GTF3C4: variants seen among roughly 807,000 people sequenced by gnomAD.
GTF3C4 encodes the protein general transcription factor IIIC subunit 4, also known as general transcription factor 3C polypeptide 4.
In GTF3C4, 28 loss-of-function variants were observed where a neutral mutation model predicts 67.5. The observed-to-expected ratio is 0.41, with a 90% CI of 0.31 to 0.57. The LOEUF is 0.57. Among genes scored for constraint, GTF3C4 ranks in the 20% least tolerant of loss-of-function variants. The pLI is 0.21. For synonymous variants in GTF3C4, 409 were observed against 393.0 expected (o/e 1.04, Z -0.48); for missense variants, 831 against 1,033.2 (o/e 0.80, Z 2.68).
rs561416822 is a variant in GTF3C4, at chr9:132,690,651, G to C, written c.*1706G>C. On this transcript the variant is annotated 3_prime_UTR_variant, in exon 5 of 5. Transcript: ENST00000372146. ...CTATTCTGCTTATTTTTCTCATTTG[G>C]TGGTAATTTCAAGAAGAGCGTTTAT... 6.6e-6 allele frequency: 1 copy of C among 152,156 alleles called. No homozygotes were observed. Among genetic ancestry groups the C allele is most frequent in the South Asian group, 2.1e-4 (1 of 4,810 alleles). 9.4% of individuals were successfully genotyped at this position (152,156 alleles called of 1,614,324 possible).
intron 3 of GTF3C4, among the ~76,000 whole-genome samples, chr9:132,684,157 T>C (rs995844066): frequency 1.3e-5 from 2 of 152,174 alleles, no homozygotes; most frequent in East Asian, 3.8e-4. Context: ...CAGCTGTCTG[T>C]CTTTCTGCCT....
intron 3 of GTF3C4, 146 bp downstream of exon 3, chr9:132,683,839 A>T (rs1835984448): frequency 1.3e-6 from 1 of 778,002 alleles, no homozygotes; most frequent in African/African-American, 1.8e-5. Flanking sequence ...ATAAAGCCTG[A>T]TGTGGACTTT....
chr9:132,687,489 T>C (rs1162273021), intron 4 of GTF3C4, among the ~76,000 whole-genome samples, 162 bp downstream of exon 4: 1 of 152,142 alleles, frequency 6.6e-6, no homozygotes, highest in Non-Finnish European at 1.5e-5. Context: ...ACGGTGTTAC[T>C]GTGAAGCCAC....
rs1437220265 is a variant in GTF3C4, at chr9:132,692,783, T to C, written c.*3838T>C. The C allele has an allele frequency of 6.6e-6, 1 of 152,212 alleles. No homozygotes were observed. Among genetic ancestry groups the C allele is most frequent in the Non-Finnish European group, 1.5e-5 (1 of 68,038 alleles). The allele number at this position is 152,212 out of a possible 1,614,324, so 9.4% of individuals were successfully genotyped here. Reference sequence around the variant, plus strand: ...ATCCCTCTAAAGGATCTAACTGTAATGAACTGTTTTTATTTTTGCCATTAG... The same window carrying C: ...ATCCCTCTAAAGGATCTAACTGTAACGAACTGTTTTTATTTTTGCCATTAG... On this transcript the variant is annotated 3_prime_UTR_variant, in exon 5 of 5. Coordinates refer to ENST00000372146, the MANE Select transcript of GTF3C4 (RefSeq NM_012204.4).
Position 132,677,960 on chromosome 9 carries a change from A to T in GTF3C4, c.358-17A>T. 6.4e-7 allele frequency: 1 copy of T among 1,567,188 alleles called. No homozygotes were observed. On this transcript the variant is annotated splice_polypyrimidine_tract_variant and intron_variant, in intron 1 of 4. Transcript: ENST00000372146. Reference sequence around the variant, plus strand: ...AGTAAATGCTCATCTGATAGTTTTTATATCTCTTATTTTCAGGTTGGCTCA... The same window carrying T: ...AGTAAATGCTCATCTGATAGTTTTTTTATCTCTTATTTTCAGGTTGGCTCA...
chr9:132,678,414 C>T lies in GTF3C4; in HGVS notation c.795C>T (p.Asn265=), dbSNP rs766440559. Residue 265 remains asparagine, a synonymous_variant, in exon 2 of 5, where the codon AAC becomes AAT. Transcript: ENST00000372146. The surrounding 1 kb of genome is among the most constrained non-coding windows in gnomAD (Gnocchi z 6.5). ...GTACCACCCAGCAGGTCAAGCATAA[C>T]AACGAATGCCGGGACGTTGGCAGTG... ...GICTTQQVKH[N]NECRDVGSVL... is the part of the protein sequence containing the mutation. The T allele has an allele frequency of 2.8e-5, 45 of 1,614,086 alleles. No homozygotes were observed. Among genetic ancestry groups the T allele is most frequent in the Admixed American group, 2.3e-4 (14 of 60,004 alleles).
At chr9:132,686,731 C>A (rs926009448) in intron 3 of GTF3C4, among the ~76,000 whole-genome samples, 7 of 152,100 alleles carry the variant, frequency 4.6e-5, no homozygotes, top group African/African-American at 1.7e-4. Flanking sequence ...CTTAAAGACA[C>A]TTTCTAATCT....
chr9:132,686,449 C>A (rs1294186585), intron 3 of GTF3C4, among the ~76,000 whole-genome samples: 2 of 151,898 alleles, frequency 1.3e-5, no homozygotes, highest in Non-Finnish European at 2.9e-5. Flanking sequence ...CTTGGAGTCC[C>A]TTCCCCAACC....
chr9:132,687,487 A>G (rs941185243), intron 4 of GTF3C4, among the ~76,000 whole-genome samples, 160 bp downstream of exon 4: 3 of 152,080 alleles, frequency 2.0e-5, no homozygotes, highest in Non-Finnish European at 2.9e-5. Context: ...TTACGGTGTT[A>G]CTGTGAAGCC....
rs1213167524 is a variant in GTF3C4, at chr9:132,689,573, CAA to C, written c.*630_*631del. 1 of 152,724 alleles carries C rather than the reference CAA, an allele frequency of 6.5e-6. No individual in the cohort carries two copies. The highest frequency in any genetic ancestry group is 1.5e-5 in the Non-Finnish European group (1 of 68,478). 9.5% of individuals were successfully genotyped at this position (152,724 alleles called of 1,614,324 possible). On this transcript the variant is annotated 3_prime_UTR_variant, in exon 5 of 5. Coordinates refer to ENST00000372146, the MANE Select transcript of GTF3C4 (RefSeq NM_012204.4). ...AAGCCAAGACTAAAATTTAATGTGT[CAA>C]ATGATCTGGTGACTATTATAATGAA... is the stretch of plus-strand genomic sequence containing the variant.
chr9:132,670,503 G>A lies in GTF3C4; in HGVS notation c.-96G>A. 1.8e-6 allele frequency: 2 copies of A among 1,105,044 alleles called. No individual in the cohort carries two copies. Among genetic ancestry groups the A allele is most frequent in the Non-Finnish European group, 1.2e-6 (1 of 828,560 alleles). The allele number at this position is 1,105,044 out of a possible 1,614,324, so 68.5% of individuals were successfully genotyped here. On this transcript the variant is annotated 5_prime_UTR_variant, in exon 1 of 5. Transcript: ENST00000372146. ...GCTCGGGGCCTGAGGGGAGAAAACC[G>A]CCGCGGAGGGCGCTGGGGGTGGCGG...
At position 132,689,554 on chromosome 9, in the gene GTF3C4, A is replaced by G. The variant is rs1204431713; in HGVS notation, c.*609A>G. 2 of 152,710 alleles carry G rather than the reference A, an allele frequency of 1.3e-5. No homozygotes were observed. The highest frequency in any genetic ancestry group is 6.5e-5 in the Admixed American group (1 of 15,368). The allele number at this position is 152,710 out of a possible 1,614,324, so 9.5% of individuals were successfully genotyped here. ...ACTCTATATTCTTAAGTTGAAGCCAAGACTAAAATTTAATGTGTCAAATGA... is the reference window on the plus strand; with the variant it reads ...ACTCTATATTCTTAAGTTGAAGCCAGGACTAAAATTTAATGTGTCAAATGA... On this transcript the variant is annotated 3_prime_UTR_variant, in exon 5 of 5. Coordinates refer to ENST00000372146, the MANE Select transcript of GTF3C4 (RefSeq NM_012204.4).
chr9:132,682,904 A>G (rs975412105), intron 2 of GTF3C4, among the ~76,000 whole-genome samples: 1 of 152,134 alleles, frequency 6.6e-6, no homozygotes, highest in Non-Finnish European at 1.5e-5. Flanking sequence ...GTGCCCAGCC[A>G]AGAGTGTAAT....
At position 132,678,517 on chromosome 9, in the gene GTF3C4, A is replaced by G; in HGVS notation, c.898A>G (p.Ile300Val). The G allele has an allele frequency of 1.2e-6, 2 of 1,614,072 alleles. No individual in the cohort carries two copies. The highest frequency in any genetic ancestry group is 2.2e-5 in the East Asian group (1 of 44,882). ...FQLPFVGKES[I>V]SSCNTIESGI... ...GCTGCCGTTTGTAGGAAAAGAATCC[A>G]TCTCTTCATGCAACACAATTGAGTC... Residue 300 changes from isoleucine to valine, a missense_variant, in exon 2 of 5, where the codon ATC becomes GTC. Coordinates refer to ENST00000372146, the MANE Select transcript of GTF3C4 (RefSeq NM_012204.4). This position sits in a 1 kb window ranked among gnomAD's most constrained non-coding sequence, Gnocchi z 6.5.
intron 1 of GTF3C4, among the ~76,000 whole-genome samples, chr9:132,676,910 C>T (rs1835872033): frequency 6.6e-6 from 1 of 152,148 alleles, no homozygotes; most frequent in Non-Finnish European, 1.5e-5. Flanking sequence ...ATAATTGAAG[C>T]ATTCTTTTTC....
At chr9:132,687,899 T>G (rs564918884) in intron 4 of GTF3C4, among the ~76,000 whole-genome samples, 1 of 152,344 alleles carries the variant, frequency 6.6e-6, no homozygotes, top group South Asian at 2.1e-4. Flanking sequence ...TGTCCTGACG[T>G]TAATAATGCA....
intron 1 of GTF3C4, among the ~76,000 whole-genome samples, chr9:132,671,823 T>C (rs1019304049): frequency 3.3e-5 from 5 of 152,184 alleles, no homozygotes; most frequent in Non-Finnish European, 7.4e-5. Context: ...CCTGCCCTCA[T>C]GAAGCTTACA....
At position 132,678,613 on chromosome 9, in the gene GTF3C4, A is replaced by C; in HGVS notation, c.994A>C (p.Ile332Leu). ...CAATAATCGAAAAATGAGTGGCCTT[A>C]TTGTGGGGAGTGCTTTTGGACCCAT... Reference protein sequence around the residue: ...EHNNRKMSGLIVGSAFGPIKI... With the variant: ...EHNNRKMSGLLVGSAFGPIKI... The change falls in exon 2 of 5, where the codon ATT (isoleucine) becomes CTT (leucine). Residue 332 changes from isoleucine (I) to leucine (L), a missense_variant. Ile to Leu is a conservative substitution (Grantham distance 5). Transcript: ENST00000372146. This position sits in a 1 kb window ranked among gnomAD's most constrained non-coding sequence, Gnocchi z 6.5. 6.2e-7 allele frequency: 1 copy of C among 1,614,142 alleles called. No homozygotes were observed. Among genetic ancestry groups the C allele is most frequent in the Non-Finnish European group, 8.5e-7 (1 of 1,180,018 alleles).
At chr9:132,670,373 C>G (rs1167238638), upstream of GTF3C4, 1 of 1,248,042 alleles carries the variant, frequency 8.0e-7, no homozygotes, top group Non-Finnish European at 1.1e-6. Flanking sequence ...AAAGGGGGTC[C>G]TCGGGGCTCC....
Sources: gnomAD v4.1 joint callset for allele counts (sites outside exome capture counted in the v4.1 genomes callset) on GRCh38, gnomAD v4.1.1 for gene constraint, Gnocchi (gnomAD v3.1) non-coding constraint, MANE v1.5 for transcripts, NCBI Gene and HGNC (gene_info 2026-07-23, HGNC 2026-07-21) for gene names.